The following CNTNAP2 variants were observed in gnomAD, a reference collection of about 807,000 sequenced individuals.
CNTNAP2 encodes the protein contactin-associated protein-like 2.
Under a neutral mutation model 155.2 loss-of-function variants are expected in CNTNAP2, and 98 were observed. The ratio of observed to expected loss-of-function variants is 0.63; its 90% CI spans 0.54 to 0.75. The LOEUF is 0.75. CNTNAP2 is among the 30% of genes least tolerant of loss of function. The pLI is 0.00. For missense variants in CNTNAP2, 1,727 were observed against 1,688.1 expected, an observed-to-expected ratio of 1.02 and a Z score of -0.40; for synonymous variants, 651 against 631.2, an observed-to-expected ratio of 1.03 and a Z score of -0.47.
At chr7:148,011,553 T>C (rs1264630891) in intron 15 of CNTNAP2, among the ~76,000 whole-genome samples, 1 of 152,218 alleles carries the variant, frequency 6.6e-6, no homozygotes, top group African/African-American at 2.4e-5. Flanking sequence ...TCATCTGTTT[T>C]GGTATTTTTG....
At position 146,246,442 on chromosome 7, in the gene CNTNAP2, A is replaced by C. The variant is rs1284882212; in HGVS notation, c.97+129469A>C. ...AAGTTGGCATGAGAGTGGGGGTTTT[A>C]AGAGGTTTAGAAGCCTGGCCGTCAA... On this transcript the variant is annotated intron_variant, in intron 1 of 23. Coordinates refer to ENST00000361727, the MANE Select transcript of CNTNAP2 (RefSeq NM_014141.6). 3.3e-5 allele frequency among the ~76,000 whole-genome samples: 5 copies of C among 149,720 alleles called. 1 individual carries two copies. Among genetic ancestry groups the C allele is most frequent in the Admixed American group, 6.6e-5 (1 of 15,134 alleles).
chr7:147,381,928 T>G (rs1226595923), intron 9 of CNTNAP2, among the ~76,000 whole-genome samples: 1 of 152,038 alleles, frequency 6.6e-6, no homozygotes, highest in Non-Finnish European at 1.5e-5. Context: ...AATATCCATG[T>G]ATAAAAATAA....
At chr7:146,621,261 C>T (rs1799312042) in intron 1 of CNTNAP2, among the ~76,000 whole-genome samples, 2 of 152,122 alleles carry the variant, frequency 1.3e-5, no homozygotes, top group Admixed American at 1.3e-4. Flanking sequence ...TTCACATTCC[C>T]GTTATCACCG....
chr7:147,345,972 A>C (rs1412822790), intron 9 of CNTNAP2, among the ~76,000 whole-genome samples: 1 of 152,146 alleles, frequency 6.6e-6, no homozygotes. Context: ...GGCCGCAAAC[A>C]GTTAATAGGT....
chr7:146,958,154 G>A (rs1423094841), intron 3 of CNTNAP2, among the ~76,000 whole-genome samples: 1 of 152,072 alleles, frequency 6.6e-6, no homozygotes, highest in Admixed American at 6.5e-5. Flanking sequence ...TGCCAAAGGC[G>A]AATGGCACCT....
intron 19 of CNTNAP2, among the ~76,000 whole-genome samples, chr7:148,222,593 G>A (rs918022714): frequency 1.4e-4 from 8 of 57,294 alleles, no homozygotes; most frequent in Non-Finnish European, 3.2e-4. Context: ...CATTCATGAG[G>A]ACAGAGTCCT....
At chr7:147,736,010 A>T (rs1311844680) in intron 13 of CNTNAP2, among the ~76,000 whole-genome samples, 1 of 118,812 alleles carries the variant, frequency 8.4e-6, no homozygotes, top group East Asian at 2.1e-4. Context: ...TTGGAGCATT[A>T]GCCCATTTAC....
At chr7:146,414,855 G>A (rs1037146369) in intron 1 of CNTNAP2, among the ~76,000 whole-genome samples, 19 of 152,076 alleles carry the variant, frequency 1.2e-4, no homozygotes, top group East Asian at 1.9e-4. Flanking sequence ...GCATAGAGGC[G>A]TGCATTTAAA....
At chr7:147,510,579 A>G (rs999261913) in intron 11 of CNTNAP2, among the ~76,000 whole-genome samples, 1 of 151,978 alleles carries the variant, frequency 6.6e-6, no homozygotes, top group African/African-American at 2.4e-5. Context: ...TTCCAAAAAA[A>G]AAAAATTCCC....
intron 14 of CNTNAP2, among the ~76,000 whole-genome samples, chr7:147,976,801 T>A (rs1302087677): frequency 6.6e-6 from 1 of 152,204 alleles, no homozygotes; most frequent in East Asian, 1.9e-4. Context: ...GATAAATCTT[T>A]ACATCATTGA....
At chr7:146,522,918 C>T (rs980571707) in intron 1 of CNTNAP2, among the ~76,000 whole-genome samples, 1 of 151,510 alleles carries the variant, frequency 6.6e-6, no homozygotes, top group African/African-American at 2.4e-5. Context: ...ATCATCTTTC[C>T]TCATTCATAG....
chr7:148,034,546 AC>A (rs1802538525), intron 15 of CNTNAP2, among the ~76,000 whole-genome samples: 1 of 152,174 alleles, frequency 6.6e-6, no homozygotes, highest in African/African-American at 2.4e-5. Flanking sequence ...AGATGCCAGC[AC>A]CTTGATCTTG....
chr7:147,145,243 G>A (rs949243441), intron 8 of CNTNAP2, among the ~76,000 whole-genome samples: 2 of 152,108 alleles, frequency 1.3e-5, no homozygotes, highest in Non-Finnish European at 2.9e-5. Context: ...ATTCAGTGAA[G>A]AATCCTCAAA....
chr7:148,016,664 T>C (rs1294917384), intron 15 of CNTNAP2, among the ~76,000 whole-genome samples: 1 of 152,200 alleles, frequency 6.6e-6, no homozygotes, highest in Non-Finnish European at 1.5e-5. Flanking sequence ...CAGAGAAGTT[T>C]AAAGAAGGAA....
intron 21 of CNTNAP2, among the ~76,000 whole-genome samples, chr7:148,348,246 G>A (rs906862778): frequency 2.6e-5 from 4 of 152,186 alleles, no homozygotes; most frequent in Non-Finnish European, 4.4e-5. Context: ...CAACCTGGAC[G>A]TGCTTTTAGA....
At chr7:146,504,350 A>G (rs1177171787) in intron 1 of CNTNAP2, among the ~76,000 whole-genome samples, 1 of 152,210 alleles carries the variant, frequency 6.6e-6, no homozygotes, top group Non-Finnish European at 1.5e-5. Context: ...GGTCATCAGT[A>G]AGGCTGTCAG....
intron 1 of CNTNAP2, among the ~76,000 whole-genome samples, chr7:146,431,212 A>T (rs1324752225): frequency 6.6e-6 from 1 of 152,050 alleles, no homozygotes; most frequent in Non-Finnish European, 1.5e-5. Context: ...TAAAAAATAC[A>T]AACTTATAGA....
chr7:147,293,277 T>C (rs573278916), intron 8 of CNTNAP2, among the ~76,000 whole-genome samples: 9 of 152,334 alleles, frequency 5.9e-5, no homozygotes, highest in South Asian at 2.1e-4. Context: ...AAGCACCTTT[T>C]TACATGTTTT....
intron 10 of CNTNAP2, among the ~76,000 whole-genome samples, chr7:147,464,276 G>C (rs560198049): frequency 5.9e-5 from 9 of 151,858 alleles, no homozygotes; most frequent in Admixed American, 3.9e-4. Flanking sequence ...GACCATCCAG[G>C]CTAACATGGT....
Sources: gnomAD v4.1 joint callset for allele counts (sites outside exome capture counted in the v4.1 genomes callset) on GRCh38, gnomAD v4.1.1 for gene constraint, MANE v1.5 for transcripts, NCBI Gene and HGNC (gene_info 2026-07-23, HGNC 2026-07-21) for gene names.